LY86: variants seen among roughly 807,000 people sequenced by gnomAD.
LY86 encodes the protein lymphocyte antigen 86.
LY86 carries 20 observed loss-of-function variants against 17.3 expected under a neutral mutation model. The observed-to-expected ratio is 1.15, with a 90% CI of 0.81 to 1.68. LY86 has a LOEUF of 1.68. Ranked by LOEUF, LY86 falls within the 40% of genes most tolerant of loss-of-function variation. LY86 has a pLI of 0.00. For synonymous variants in LY86, 74 were observed against 70.6 expected (o/e 1.05, Z -0.24); for missense variants, 200 against 191.9 (o/e 1.04, Z -0.25).
chr6:6,592,046 G>A lies in LY86; in HGVS notation c.136+3176G>A, dbSNP rs544371395. Among the ~76,000 whole-genome samples the A allele has an allele frequency of 9.2e-5, 14 of 152,310 alleles. No individual in the cohort carries two copies. The South Asian group carries it at 2.7e-3, about 29-fold the overall frequency. ...AGATCCTCGGGCAGTAAGCAGGAGT[G>A]TAGATTTTGAATTGGAAGCTATTTG... On this transcript the variant is annotated intron_variant, in intron 1 of 4. Transcript: ENST00000230568.
At chr6:6,601,338 TG>T (rs1760900517) in intron 1 of LY86, among the ~76,000 whole-genome samples, 1 of 151,912 alleles carries the variant, frequency 6.6e-6, no homozygotes, top group South Asian at 2.1e-4. Context: ...TGCCAGAAGA[TG>T]GAAAGTGAGG....
At chr6:6,596,381 C>T (rs1462279766) in intron 1 of LY86, among the ~76,000 whole-genome samples, 1 of 148,926 alleles carries the variant, frequency 6.7e-6, no homozygotes, top group Non-Finnish European at 1.5e-5. Context: ...GAGCATAAAA[C>T]AAGCATGCAT....
intron 1 of LY86, among the ~76,000 whole-genome samples, chr6:6,612,910 A>G (rs942614756): frequency 6.6e-6 from 1 of 151,662 alleles, no homozygotes; most frequent in Non-Finnish European, 1.5e-5. Flanking sequence ...AGTCCTCACC[A>G]GCTTAACTAG....
intron 3 of LY86, among the ~76,000 whole-genome samples, chr6:6,631,159 C>A (rs771690060): frequency 2.0e-5 from 3 of 152,138 alleles, no homozygotes; most frequent in Non-Finnish European, 4.4e-5. Context: ...GGCCATACCC[C>A]AGACCAATGA....
intron 1 of LY86, among the ~76,000 whole-genome samples, chr6:6,614,268 A>C (rs2294461): frequency 0.1 from 15,719 of 152,198 alleles, 897 homozygotes; most frequent in East Asian, 0.17. Context: ...CTGCCTTACA[A>C]ACACAGACCG....
chr6:6,595,166 C>T (rs368841014), intron 1 of LY86, among the ~76,000 whole-genome samples: 4 of 139,112 alleles, frequency 2.9e-5, no homozygotes, highest in African/African-American at 5.5e-5. Context: ...GAGAAAAGAG[C>T]GGAAGGAGGA....
intron 3 of LY86, among the ~76,000 whole-genome samples, chr6:6,638,411 C>T (rs542028385): frequency 1.3e-5 from 2 of 152,292 alleles, no homozygotes; most frequent in Non-Finnish European, 2.9e-5. Flanking sequence ...TTTCTCTTAG[C>T]CAGTGCTGAT....
intron 3 of LY86, among the ~76,000 whole-genome samples, chr6:6,628,337 C>G (rs1251645431): frequency 6.8e-6 from 1 of 147,616 alleles, no homozygotes; most frequent in African/African-American, 2.5e-5. Context: ...ATCCCTCCCT[C>G]CCTTCCTCCC....
At chr6:6,651,724 G>T (rs935123012) in intron 4 of LY86, among the ~76,000 whole-genome samples, 1 of 152,074 alleles carries the variant, frequency 6.6e-6, no homozygotes, top group African/African-American at 2.4e-5. Context: ...TAAGATAGAG[G>T]GGAAAAGAAC....
chr6:6,631,630 C>A (rs1461149028), intron 3 of LY86, among the ~76,000 whole-genome samples: 1 of 152,190 alleles, frequency 6.6e-6, no homozygotes, highest in African/African-American at 2.4e-5. Flanking sequence ...ATCAGAAGCT[C>A]TGGGGTTGGG....
intron 1 of LY86, among the ~76,000 whole-genome samples, chr6:6,611,643 T>G (rs1399047126): frequency 6.6e-6 from 1 of 152,356 alleles, no homozygotes; most frequent in African/African-American, 2.4e-5. Context: ...CCCACACTGG[T>G]GCCTCCCTGT....
chr6:6,599,368 C>A (rs1760826042), intron 1 of LY86, among the ~76,000 whole-genome samples: 1 of 152,218 alleles, frequency 6.6e-6, no homozygotes, highest in Admixed American at 6.5e-5. Context: ...AACTTGAGCA[C>A]TTTCCCTTAA....
chr6:6,602,479 G>A (rs951126768), intron 1 of LY86, among the ~76,000 whole-genome samples: 2 of 152,224 alleles, frequency 1.3e-5, no homozygotes, highest in Non-Finnish European at 2.9e-5. Flanking sequence ...TACTCAATGT[G>A]AATTACAGGA....
intron 1 of LY86, among the ~76,000 whole-genome samples, chr6:6,596,712 A>C (rs1042834789): frequency 6.6e-5 from 10 of 152,174 alleles, no homozygotes; most frequent in African/African-American, 2.2e-4. Flanking sequence ...TTAATGCTAG[A>C]TGAAAGTGAA....
At chr6:6,616,612 C>G (rs559221057) in intron 1 of LY86, among the ~76,000 whole-genome samples, 2 of 152,318 alleles carry the variant, frequency 1.3e-5, no homozygotes, top group African/African-American at 4.8e-5. Flanking sequence ...ACCAGGCTGG[C>G]CTCAGCTGTT....
intron 1 of LY86, among the ~76,000 whole-genome samples, chr6:6,609,300 G>A (rs1282943139): frequency 6.6e-6 from 1 of 152,222 alleles, no homozygotes; most frequent in Non-Finnish European, 1.5e-5. Context: ...ATTGACATAA[G>A]AGATGCAGAA....
intron 1 of LY86, among the ~76,000 whole-genome samples, chr6:6,618,804 G>A (rs924335896): frequency 5.9e-5 from 9 of 152,126 alleles, no homozygotes; most frequent in Admixed American, 5.2e-4. Context: ...GACCCATTGG[G>A]GAGCCTTGCT....
intron 3 of LY86, among the ~76,000 whole-genome samples, chr6:6,637,177 T>C (rs570582549): frequency 4.6e-5 from 7 of 152,062 alleles, no homozygotes; most frequent in South Asian, 4.2e-4. Flanking sequence ...CACGCTCGGC[T>C]AATTTTTGTA....
chr6:6,633,825 G>T (rs1210206218), intron 3 of LY86, among the ~76,000 whole-genome samples: 1 of 152,180 alleles, frequency 6.6e-6, no homozygotes, highest in Non-Finnish European at 1.5e-5. Context: ...CTGACTTGCA[G>T]ATATCAATTG....
Sources: allele counts gnomAD v4.1 joint callset (sites outside exome capture counted in the v4.1 genomes callset), GRCh38; gene constraint gnomAD v4.1.1; transcripts MANE v1.5; gene names NCBI Gene and HGNC (gene_info 2026-07-23, HGNC 2026-07-21).